The following AHCTF1 variants were observed in gnomAD, a reference collection of about 807,000 sequenced individuals.
The protein encoded by AHCTF1 is AT-hook containing transcription factor 1, also known as protein ELYS.
A neutral mutation model predicts 248.4 loss-of-function variants in AHCTF1; 24 were observed. The ratio of observed to expected loss-of-function variants is 0.10; its 90% CI spans 0.07 to 0.14. The LOEUF (loss-of-function observed/expected upper bound fraction) is 0.14, where lower values mean the gene tolerates loss of function less well. Among genes scored for constraint, AHCTF1 ranks in the 10% least tolerant of loss-of-function variants. The probability of loss-of-function intolerance (pLI) is 1.00; values close to 1 mark genes in which losing one functional copy is unlikely to be tolerated. For synonymous variants in AHCTF1, 786 were observed against 929.8 expected (o/e 0.85, Z 2.81); for missense variants, 2,206 against 2,636.2 (o/e 0.84, Z 3.57).
At chr1:246,861,885 C>G in intron 28 of AHCTF1, 74 bp downstream of exon 28, 1 of 1,263,750 alleles carries the variant, frequency 7.9e-7, no homozygotes, top group South Asian at 1.5e-5. Flanking sequence ...CTTGATTTAT[C>G]TAACTTTTTA....
rs530201223 is a variant in AHCTF1, at chr1:246,897,619, T to C, written c.1623+589A>G. On this transcript the variant is annotated intron_variant, in intron 12 of 35. Transcript: ENST00000648844. Reference sequence around the variant, plus strand: ...CTGTATAGCATGTTACTGTGCTGAATACTGTAAGCAACTGTAACACAATAT... The same window carrying C: ...CTGTATAGCATGTTACTGTGCTGAACACTGTAAGCAACTGTAACACAATAT... 9.8e-5 allele frequency among the ~76,000 whole-genome samples: 15 copies of C among 152,336 alleles called. No homozygotes were observed. In the South Asian group the frequency reaches 3.1e-3, roughly 32 times the overall value.
intron 21 of AHCTF1, among the ~76,000 whole-genome samples, chr1:246,883,520 G>A (rs1663606555): frequency 6.6e-6 from 1 of 152,060 alleles, no homozygotes; most frequent in South Asian, 2.1e-4. Context: ...CAATAAACAT[G>A]GCTGCCTTTT....
intron 13 of AHCTF1, 151 bp from the exon 14 acceptor site, chr1:246,894,899 G>A (rs1664462698): frequency 3.1e-6 from 2 of 648,020 alleles, no homozygotes; most frequent in Non-Finnish European, 5.5e-6. Context: ...CTTTCTCAGT[G>A]CACCACACCA....
intron 35 of AHCTF1, among the ~76,000 whole-genome samples, chr1:246,841,468 A>G (rs1239441864): frequency 6.6e-6 from 1 of 152,218 alleles, no homozygotes; most frequent in African/African-American, 2.4e-5. Context: ...CAGTGGTATT[A>G]GCCATAGTGT....
intron 26 of AHCTF1, 64 bp from the exon 27 acceptor site, chr1:246,864,180 T>G: frequency 6.8e-7 from 1 of 1,470,462 alleles, no homozygotes; most frequent in South Asian, 1.2e-5. Context: ...GTATCCCATT[T>G]AATCAGACCT....
At chr1:246,875,297 C>T (rs1662858279) in intron 24 of AHCTF1, among the ~76,000 whole-genome samples, 1 of 152,134 alleles carries the variant, frequency 6.6e-6, no homozygotes, top group Non-Finnish European at 1.5e-5. Flanking sequence ...ATAAAACCCT[C>T]CTGTCACCTT....
rs1226811928 is a variant in AHCTF1 at position 246,843,918 on chromosome 1, T to C, written c.6402A>G (p.Ile2134Met). ...EVPRKAKAKK[I>M]EVPAQLKELV... ...ATTCTTTCAGCTGTGCAGGAACCTC[T>C]ATTTTTTTAGCTAAAAAAAGTTGAA... Residue 2134 changes from isoleucine to methionine, a missense_variant, in exon 34 of 36, where the codon ATA becomes ATG. Physicochemically the swap from Ile to Met is conservative, Grantham distance 10. Transcript: ENST00000648844. 1.4e-6 allele frequency: 2 copies of C among 1,459,806 alleles called. No individual in the cohort carries two copies. The highest frequency in any genetic ancestry group is 1.8e-6 in the Non-Finnish European group (2 of 1,103,906). 90.4% of individuals were successfully genotyped at this position (1,459,806 alleles called of 1,614,324 possible). A position where few individuals can be genotyped will look rare whatever the true frequency, so the allele number is the denominator to read the frequency against.
In AHCTF1 at chr1:246,876,995, A is replaced by G; in HGVS notation, c.2892T>C (p.Tyr964=). The G allele has an allele frequency of 1.2e-6, 2 of 1,612,154 alleles. No homozygotes were observed. Among genetic ancestry groups the G allele is most frequent in the East Asian group, 2.2e-5 (1 of 44,878 alleles). The change falls in exon 23 of 36, where the codon TAT becomes TAC. Residue 964 remains tyrosine, a synonymous_variant. Coordinates refer to ENST00000648844, the MANE Select transcript of AHCTF1 (RefSeq NM_001323342.2). Reference sequence around the variant, plus strand: ...TTTGGTTCAGCTTCAAGGCAGGCACATAATTGGCACGCTGCAAATGGTGCA... The same window carrying G: ...TTTGGTTCAGCTTCAAGGCAGGCACGTAATTGGCACGCTGCAAATGGTGCA... ...LLVHHLQRAN[Y]VPALKLNQTL...
chr1:246,918,318 A>G lies in AHCTF1; in HGVS notation c.53T>C (p.Val18Ala), dbSNP rs1396580820. ...VTSGLLPFPEVTLQALGEDEI... is the reference protein window; with the variant it reads ...VTSGLLPFPEATLQALGEDEI... ...GTCTTCTCCAAGGGCTTGAAGAGTCACTTCTGGAAATGGCAGGAGACCACT... is the reference window on the plus strand; with the variant it reads ...GTCTTCTCCAAGGGCTTGAAGAGTCGCTTCTGGAAATGGCAGGAGACCACT... The change falls in exon 2 of 36, where the codon GTG becomes GCG. Residue 18 changes from valine (V) to alanine (A), a missense_variant. Around this residue, in one of 6 missense-constraint regions of AHCTF1, gnomAD observed 69 missense variants for 85.4 expected, o/e 0.81. Coordinates refer to ENST00000648844, the MANE Select transcript of AHCTF1 (RefSeq NM_001323342.2). 6.2e-7 allele frequency: 1 copy of G among 1,613,214 alleles called. No individual in the cohort carries two copies. The highest frequency in any genetic ancestry group is 1.7e-5 in the Admixed American group (1 of 59,978).
At chr1:246,869,133 A>G (rs1779980) in intron 24 of AHCTF1, among the ~76,000 whole-genome samples, 108,521 of 151,536 alleles carry the variant, frequency 0.72, 39,024 homozygotes, top group Middle Eastern at 0.83. Flanking sequence ...GTGAGCCACC[A>G]CGCCCGGCCG....
At position 246,890,879 on chromosome 1, in the gene AHCTF1, G is replaced by A. The variant is rs1664165626; in HGVS notation, c.2050+77C>T. The A allele has an allele frequency of 3.2e-6, 3 of 929,052 alleles. No individual in the cohort carries two copies. The South Asian group carries it at 9.2e-5, about 28-fold the overall frequency. The allele number at this position is 929,052 out of a possible 1,614,324, so 57.6% of individuals were successfully genotyped here. The stretch of plus-strand genomic sequence containing the variant: ...TGAGGTGGAAGAAAAGAAACCCAAA[G>A]CATTAGAATACAATAACAAAATTAT... On this transcript the variant is annotated intron_variant, in intron 16 of 35. Transcript: ENST00000648844.
intron 24 of AHCTF1, among the ~76,000 whole-genome samples, chr1:246,875,801 T>A (rs1157316943): frequency 6.6e-6 from 1 of 152,230 alleles, no homozygotes; most frequent in South Asian, 2.1e-4. Context: ...ATAATGCTAC[T>A]GCACACTTAG....
In AHCTF1 at chr1:246,860,965, C is replaced by T. The variant is rs749336183; in HGVS notation, c.4066G>A (p.Glu1356Lys). 2 of 1,613,748 alleles carry T rather than the reference C, an allele frequency of 1.2e-6. No individual in the cohort carries two copies. The highest frequency in any genetic ancestry group is 2.2e-5 in the South Asian group (2 of 91,076). The change falls in exon 29 of 36, where the codon GAA becomes AAA. Residue 1356 changes from glutamate (E) to lysine (K), a missense_variant. By Grantham distance (56) the Glu-to-Lys change is moderately conservative. Coordinates refer to ENST00000648844, the MANE Select transcript of AHCTF1 (RefSeq NM_001323342.2). Reference protein sequence around the residue: ...ALTTNVTEQTEKDGDKDVFAS... With the variant: ...ALTTNVTEQTKKDGDKDVFAS... ...AATACATCTTTATCTCCATCCTTTT[C>T]AGTTTGTTCAGTTACATTAGTAGTT...
At chr1:246,846,766 T>G (rs1660297316) in intron 33 of AHCTF1, among the ~76,000 whole-genome samples, 1 of 149,416 alleles carries the variant, frequency 6.7e-6, no homozygotes, top group African/African-American at 2.5e-5. Context: ...GGGATGGGGG[T>G]GGGGAGGTGA....
intron 21 of AHCTF1, among the ~76,000 whole-genome samples, chr1:246,884,600 C>A (rs1663683098): frequency 6.6e-6 from 1 of 152,142 alleles, no homozygotes; most frequent in South Asian, 2.1e-4. Flanking sequence ...CGTAAGAAAA[C>A]CCAATAACCA....
intron 1 of AHCTF1, chr1:246,931,255 C>T (rs888077566): frequency 3.2e-6 from 5 of 1,549,236 alleles, no homozygotes; most frequent in East Asian, 2.4e-5. Flanking sequence ...GAAAGGGTCG[C>T]GGCCCCGGCC....
intron 1 of AHCTF1, among the ~76,000 whole-genome samples, chr1:246,925,783 G>A (rs1666881385): frequency 6.6e-6 from 1 of 152,058 alleles, no homozygotes; most frequent in Admixed American, 6.5e-5. Context: ...GAATTCACAT[G>A]AGATCTGGCT....
intron 24 of AHCTF1, among the ~76,000 whole-genome samples, chr1:246,873,141 G>A (rs1052426072): frequency 6.6e-6 from 1 of 152,054 alleles, no homozygotes; most frequent in African/African-American, 2.4e-5. Flanking sequence ...TCTCTTCTGG[G>A]GAAGGGATAT....
At chr1:246,898,826 G>A (rs574941743) in intron 11 of AHCTF1, among the ~76,000 whole-genome samples, 19 of 152,312 alleles carry the variant, frequency 1.2e-4, no homozygotes, top group African/African-American at 4.6e-4. Flanking sequence ...GGTGGCTCAC[G>A]CTCATAATCC....
Sources: gnomAD v4.1 joint callset for allele counts (sites outside exome capture counted in the v4.1 genomes callset) on GRCh38, gnomAD v4.1.1 for gene constraint, gnomAD v4.1.1 regional missense constraint, MANE v1.5 for transcripts, NCBI Gene and HGNC (gene_info 2026-07-23, HGNC 2026-07-21) for gene names.